KMT2A: variants seen among roughly 807,000 people sequenced by gnomAD.
KMT2A encodes the protein lysine methyltransferase 2A.
KMT2A carries 16 observed loss-of-function variants against 345.3 expected under a neutral mutation model. The ratio of observed to expected loss-of-function variants is 0.05; its 90% confidence interval spans 0.03 to 0.07. The LOEUF is 0.07. KMT2A is among the 10% of genes least tolerant of loss of function. The pLI, the probability that KMT2A is intolerant of heterozygous loss-of-function variation, is 1.00. For synonymous variants in KMT2A, 1,599 were observed against 1,778.6 expected (o/e 0.90, Z 2.54); for missense variants, 3,272 against 4,841.6 (o/e 0.68, Z 9.62).
intron 25 of KMT2A, 130 bp from the exon 26 acceptor site, chr11:118,501,542 A>G (rs948629435): frequency 1.4e-6 from 1 of 708,718 alleles, no homozygotes; most frequent in Admixed American, 2.9e-5. Context: ...GCTGGGGGAA[A>G]AGTCATTTAC....
At chr11:118,466,345 TA>T (rs1158504442) in intron 1 of KMT2A, among the ~76,000 whole-genome samples, 1 of 152,068 alleles carries the variant, frequency 6.6e-6, no homozygotes, top group Non-Finnish European at 1.5e-5. Context: ...AAATTTTCTG[TA>T]AAGACTCACT....
chr11:118,504,300 A>G lies in KMT2A; in HGVS notation c.8408A>G (p.Gln2803Arg). Residue 2803 changes from glutamine (Q) to arginine (R), a missense_variant, in exon 27 of 36, where the codon CAG becomes CGG. Gln to Arg is a conservative substitution (Grantham distance 43). Coordinates refer to ENST00000534358, the MANE Select transcript of KMT2A (RefSeq NM_001197104.2). The surrounding 1 kb of genome is among the most constrained non-coding windows in gnomAD (Gnocchi z 6.4). ...KTQGQDSLEA[Q>R]LSSLESSRRV... is the part of the protein sequence containing the mutation. ...CAGGGACAAGATTCCTTGGAAGCTC[A>G]GCTCAGCTCATTGGAGTCAAGCCGC... is the stretch of plus-strand genomic sequence containing the variant. 4 of 1,614,164 alleles carry G rather than the reference A, an allele frequency of 2.5e-6. No individual in the cohort carries two copies. The highest frequency in any genetic ancestry group is 3.4e-6 in the Non-Finnish European group (4 of 1,179,990).
In KMT2A at chr11:118,504,998, G is replaced by A. The variant is rs1212406107; in HGVS notation, c.9106G>A (p.Val3036Ile). ...GAACAGTAGCACCCCTGGCCTTCAGGTACCTGTTTCCCCAACTGTTCCCAT... is the reference window on the plus strand; with the variant it reads ...GAACAGTAGCACCCCTGGCCTTCAGATACCTGTTTCCCCAACTGTTCCCAT... ...TRNSSTPGLQVPVSPTVPIQN... is the reference protein window; with the variant it reads ...TRNSSTPGLQIPVSPTVPIQN... Residue 3036 changes from valine (V) to isoleucine (I), a missense_variant, in exon 27 of 36, where the codon GTA (valine) becomes ATA (isoleucine). Val to Ile is a conservative substitution (Grantham distance 29, BLOSUM62 3). Transcript: ENST00000534358. This position sits in a 1 kb window ranked among gnomAD's most constrained non-coding sequence, Gnocchi z 6.4. 1.2e-5 allele frequency: 20 copies of A among 1,613,912 alleles called. No homozygotes were observed. The highest frequency in any genetic ancestry group is 1.6e-4 in the Middle Eastern group (1 of 6,084).
chr11:118,505,625 A>G lies in KMT2A; in HGVS notation c.9733A>G (p.Asn3245Asp). 6.2e-7 allele frequency: 1 copy of G among 1,614,114 alleles called. No homozygotes were observed. Among genetic ancestry groups the G allele is most frequent in the Non-Finnish European group, 8.5e-7 (1 of 1,180,018 alleles). Reference protein sequence around the residue: ...KKLAPSSTPSNIAPSDVVSNM... With the variant: ...KKLAPSSTPSDIAPSDVVSNM... Reference sequence around the variant, plus strand: ...ACTTGCTCCCTCTAGTACCCCTTCAAACATTGCCCCTTCTGATGTGGTTTC... The same window carrying G: ...ACTTGCTCCCTCTAGTACCCCTTCAGACATTGCCCCTTCTGATGTGGTTTC... Residue 3245 changes from asparagine (N) to aspartate (D), a missense_variant, in exon 27 of 36, where the codon AAC becomes GAC. This residue lies in a region of KMT2A where 748 missense variants were observed against 922.2 expected (regional missense o/e 0.81). Coordinates refer to ENST00000534358, the MANE Select transcript of KMT2A (RefSeq NM_001197104.2). The surrounding 1 kb of genome is among the most constrained non-coding windows in gnomAD (Gnocchi z 4.6).
chr11:118,494,822 T>C lies in KMT2A; in HGVS notation c.5363+55T>C. The C allele has an allele frequency of 4.4e-6, 6 of 1,350,808 alleles. No individual in the cohort carries two copies. Among genetic ancestry groups the C allele is most frequent in the Non-Finnish European group, 6.3e-6 (6 of 948,308 alleles). 83.7% of individuals were successfully genotyped at this position (1,350,808 alleles called of 1,614,324 possible). A position where few individuals can be genotyped will look rare whatever the true frequency, so the allele number is the denominator to read the frequency against. ...TCCTCATCGGCTAGAAATCTGAGAGTTCTCATATTTCTAGATTGCAGTTTT... is the reference window on the plus strand; with the variant it reads ...TCCTCATCGGCTAGAAATCTGAGAGCTCTCATATTTCTAGATTGCAGTTTT... On this transcript the variant is annotated intron_variant, in intron 18 of 35. Transcript: ENST00000534358. The surrounding 1 kb of genome is among the most constrained non-coding windows in gnomAD (Gnocchi z 5.8).
intron 1 of KMT2A, among the ~76,000 whole-genome samples, chr11:118,466,881 G>A (rs1419006546): frequency 6.6e-6 from 1 of 152,066 alleles, no homozygotes; most frequent in East Asian, 1.9e-4. Context: ...AATTAGTGAT[G>A]AAAGAAGAAA....
chr11:118,486,455 A>G (rs530304747), intron 10 of KMT2A, among the ~76,000 whole-genome samples: 32 of 151,998 alleles, frequency 2.1e-4, no homozygotes, highest in African/African-American at 6.5e-4. Flanking sequence ...GCACAATTTT[A>G]AATAGGAAGC....
chr11:118,471,171 A>G (rs540287276), intron 2 of KMT2A, among the ~76,000 whole-genome samples: 9 of 152,214 alleles, frequency 5.9e-5, no homozygotes, highest in Non-Finnish European at 1.2e-4. Flanking sequence ...TGAGCTGCCC[A>G]AGGAGTTGGT....
intron 1 of KMT2A, among the ~76,000 whole-genome samples, chr11:118,462,903 A>C (rs2134233966): frequency 6.6e-6 from 1 of 151,724 alleles, no homozygotes; most frequent in Non-Finnish European, 1.5e-5. Flanking sequence ...GTACAAGACC[A>C]GAAGGAAAAC....
chr11:118,521,443 A>G lies in KMT2A; in HGVS notation c.11643+26A>G, dbSNP rs2135295544. The stretch of plus-strand genomic sequence containing the variant: ...GTAAGTCTCCCACTTGCACTCACAC[A>G]GTTCTTTTGTTTTGCTGTAGAAAGG... On this transcript the variant is annotated intron_variant, in intron 35 of 35. Transcript: ENST00000534358. The surrounding 1 kb of genome is among the most constrained non-coding windows in gnomAD (Gnocchi z 5.3). 6.2e-7 allele frequency: 1 copy of G among 1,611,460 alleles called. No individual in the cohort carries two copies. Among genetic ancestry groups the G allele is most frequent in the Non-Finnish European group, 8.5e-7 (1 of 1,177,888 alleles).
rs1046852610 is a variant in KMT2A, at chr11:118,525,387, G to A, written c.*3215G>A. ...GCTGCATGGCGCTGACCCTTTGGCCGGAACTTGGTCTCTTGGCTCCCTCCT... is the reference window on the plus strand; with the variant it reads ...GCTGCATGGCGCTGACCCTTTGGCCAGAACTTGGTCTCTTGGCTCCCTCCT... On this transcript the variant is annotated 3_prime_UTR_variant, in exon 36 of 36. Transcript: ENST00000534358. 3.5e-5 allele frequency: 8 copies of A among 227,204 alleles called. No individual in the cohort carries two copies. The highest frequency in any genetic ancestry group is 3.7e-4 in the South Asian group (2 of 5,466). 14.1% of individuals were successfully genotyped at this position (227,204 alleles called of 1,614,324 possible). A position where few individuals can be genotyped will look rare whatever the true frequency, so the allele number is the denominator to read the frequency against.
chr11:118,488,772 G>C lies in KMT2A; in HGVS notation c.4479+12G>C. On this transcript the variant is annotated intron_variant, in intron 11 of 35. Coordinates refer to ENST00000534358, the MANE Select transcript of KMT2A (RefSeq NM_001197104.2). Reference sequence around the variant, plus strand: ...ATCAGGCTACAAAGGTACAAAACTTGGTAATAGAACTACAGCTGGGCCTCT... The same window carrying C: ...ATCAGGCTACAAAGGTACAAAACTTCGTAATAGAACTACAGCTGGGCCTCT... 6.2e-7 allele frequency: 1 copy of C among 1,613,508 alleles called. No homozygotes were observed. Among genetic ancestry groups the C allele is most frequent in the Non-Finnish European group, 8.5e-7 (1 of 1,179,720 alleles).
At chr11:118,463,622 A>G (rs542602403) in intron 1 of KMT2A, among the ~76,000 whole-genome samples, 101 of 152,314 alleles carry the variant, frequency 6.6e-4, no homozygotes, top group Non-Finnish European at 9.3e-4. Context: ...CTATTATGGT[A>G]GGAAAACTAT....
chr11:118,483,094 G>T (rs1379432414), intron 8 of KMT2A, among the ~76,000 whole-genome samples: 2 of 151,780 alleles, frequency 1.3e-5, no homozygotes, highest in Non-Finnish European at 2.9e-5. Context: ...TTAGCCGGTT[G>T]TGGTAGTGGG....
intron 1 of KMT2A, among the ~76,000 whole-genome samples, chr11:118,441,772 C>T (rs1379662397): frequency 1.3e-5 from 2 of 152,316 alleles, no homozygotes; most frequent in East Asian, 3.9e-4. Context: ...CCATCTTTCA[C>T]TTCCATTTAA....
intron 31 of KMT2A, chr11:118,512,340 T>G: frequency 2.8e-6 from 1 of 358,566 alleles, no homozygotes; most frequent in East Asian, 5.6e-5. Flanking sequence ...TGTCTCTATG[T>G]ATTTGATTAT....
In KMT2A at chr11:118,445,210, T is replaced by C. The variant is rs532262645; in HGVS notation, c.432+8266T>C. Among the ~76,000 whole-genome samples the C allele has an allele frequency of 7.9e-5, 12 of 152,250 alleles. No individual in the cohort carries two copies. In the South Asian group the frequency reaches 1.9e-3, roughly 24 times the overall value. ...CTTCTATAAACTAGGTGGAACCAAA[T>C]TGAAGGCCAGCCACCCGTCTTGGTA... On this transcript the variant is annotated intron_variant, in intron 1 of 35. Transcript: ENST00000534358.
At chr11:118,443,884 CA>C (rs1949363835) in intron 1 of KMT2A, among the ~76,000 whole-genome samples, 2 of 152,124 alleles carry the variant, frequency 1.3e-5, no homozygotes, top group African/African-American at 2.4e-5. Flanking sequence ...CATTTTCTTG[CA>C]TTTCTGGTTT....
chr11:118,492,134 A>T (rs562861276), intron 15 of KMT2A, among the ~76,000 whole-genome samples: 1 of 152,366 alleles, frequency 6.6e-6, no homozygotes, highest in South Asian at 2.1e-4. Flanking sequence ...TCTTGCTGTT[A>T]CAATGAGAAA....
Sources: allele counts gnomAD v4.1 joint callset (sites outside exome capture counted in the v4.1 genomes callset), GRCh38; gene constraint gnomAD v4.1.1; regional missense constraint gnomAD v4.1.1; non-coding constraint Gnocchi (gnomAD v3.1); transcripts MANE v1.5; gene names NCBI Gene and HGNC (gene_info 2026-07-23, HGNC 2026-07-21).